The following TYW1B variants were observed in gnomAD, a reference collection of about 807,000 sequenced individuals.
The protein encoded by TYW1B is tRNA-yW synthesizing protein 1 homolog B, also known as S-adenosyl-L-methionine-dependent tRNA 4-demethylwyosine synthase TYW1B.
A neutral mutation model predicts 86.9 loss-of-function variants in TYW1B; 73 were observed. The ratio of observed to expected loss-of-function variants is 0.84; its 90% CI spans 0.70 to 1.02. The LOEUF (loss-of-function observed/expected upper bound fraction) is 1.02, where lower values mean the gene tolerates loss of function less well. Ranked by LOEUF, TYW1B falls within the 50% of genes least tolerant of loss-of-function variation. The pLI is 0.00. For synonymous variants in TYW1B, 248 were observed against 292.8 expected (o/e 0.85, Z 1.56); for missense variants, 637 against 827.4 (o/e 0.77, Z 2.82).
chr7:72,800,139 A>G (rs1159946866), intron 6 of TYW1B, among the ~76,000 whole-genome samples: 1 of 152,052 alleles, frequency 6.6e-6, no homozygotes, highest in Admixed American at 6.6e-5. Flanking sequence ...TTCAGCATTT[A>G]GCTCGCTCAT....
intron 8 of TYW1B, among the ~76,000 whole-genome samples, chr7:72,731,125 GAA>G (rs1162938084): frequency 7.6e-4 from 54 of 71,160 alleles, no homozygotes; most frequent in Non-Finnish European, 8.6e-4. Flanking sequence ...CTAAGGGCTG[GAA>G]AAAAAAAAAA....
chr7:72,591,140 C>A, intron 13 of TYW1B, among the ~76,000 whole-genome samples: 1 of 149,608 alleles, frequency 6.7e-6, no homozygotes. Context: ...TGATCACATC[C>A]GAATAGCAAA....
intron 3 of TYW1B, among the ~76,000 whole-genome samples, chr7:72,812,087 G>T (rs1554478444): frequency 6.6e-6 from 1 of 151,458 alleles, no homozygotes; most frequent in Admixed American, 6.6e-5. Context: ...TACAGGCTGG[G>T]TATCCATTAT....
chr7:72,734,075 A>G (rs1554460427), intron 8 of TYW1B, among the ~76,000 whole-genome samples: 1 of 151,798 alleles, frequency 6.6e-6, no homozygotes, highest in East Asian at 1.9e-4. Context: ...TGGCCAACAT[A>G]GTGAAACCCC....
At chr7:72,576,490 G>A (rs1554428517) in intron 13 of TYW1B, among the ~76,000 whole-genome samples, 1 of 149,482 alleles carries the variant, frequency 6.7e-6, no homozygotes, top group Non-Finnish European at 1.5e-5. Context: ...AAACAGACAA[G>A]TACTTGTCAT....
At chr7:72,821,857 C>G (rs572353788) in intron 2 of TYW1B, among the ~76,000 whole-genome samples, 2 of 152,120 alleles carry the variant, frequency 1.3e-5, no homozygotes, top group South Asian at 4.1e-4. Context: ...TTTGAGCAAA[C>G]TGATGTTAAG....
intron 7 of TYW1B, among the ~76,000 whole-genome samples, chr7:72,747,638 T>C (rs575252767): frequency 2.5e-4 from 38 of 152,334 alleles, no homozygotes; most frequent in Middle Eastern, 3.4e-3. Flanking sequence ...CTTTCTTCTT[T>C]GTCAACATTG....
chr7:72,659,084 C>A (rs140594309), intron 11 of TYW1B, among the ~76,000 whole-genome samples: 4,897 of 152,152 alleles, frequency 0.032, 133 homozygotes, highest in Admixed American at 0.065. Flanking sequence ...GGAAGAAAGC[C>A]CAAGAAACCT....
intron 7 of TYW1B, 34 bp downstream of exon 7, chr7:72,777,382 T>C (rs782387753): frequency 5.0e-6 from 8 of 1,611,568 alleles, no homozygotes; most frequent in Admixed American, 3.4e-5. Context: ...CCTAAGACTA[T>C]AGTCATATAA....
At chr7:72,673,908 A>T (rs1385726705) in intron 11 of TYW1B, among the ~76,000 whole-genome samples, 3 of 152,182 alleles carry the variant, frequency 2.0e-5, no homozygotes, top group African/African-American at 7.2e-5. Flanking sequence ...ACTTAAATTT[A>T]AAAACAAAAC....
chr7:72,667,559 C>G (rs1355939000), intron 11 of TYW1B, among the ~76,000 whole-genome samples: 3 of 152,018 alleles, frequency 2.0e-5, no homozygotes, highest in Non-Finnish European at 4.4e-5. Context: ...ATAAAAAATA[C>G]AAAAATTAGC....
intron 11 of TYW1B, among the ~76,000 whole-genome samples, chr7:72,690,855 C>T (rs1281087503): frequency 1.3e-5 from 2 of 152,084 alleles, no homozygotes; most frequent in African/African-American, 4.8e-5. Flanking sequence ...TGAAGCAATT[C>T]TCCTGCCTCA....
rs782270162 is a variant in TYW1B at position 72,810,610 on chromosome 7, G to C, written c.293C>G (p.Pro98Arg). ...FLVATYTDGL[P>R]TESAEWFCKW... ...GCAGAACCACTCTGCACTTTCGGTT[G>C]GTAGGCCGTCAGTGTATGTCGCAAC... Residue 98 changes from proline (P) to arginine (R), a missense_variant, in exon 4 of 14, where the codon CCA (proline) becomes CGA (arginine). Coordinates refer to ENST00000620995, the MANE Select transcript of TYW1B (RefSeq NM_001145440.3). The C allele has an allele frequency of 3.7e-6, 6 of 1,613,680 alleles. No individual in the cohort carries two copies. Among genetic ancestry groups the C allele is most frequent in the Admixed American group, 3.3e-5 (2 of 59,950 alleles).
chr7:72,781,781 G>A lies in TYW1B; in HGVS notation c.847-4248C>T, dbSNP rs540275442. Among the ~76,000 whole-genome samples, 104 of 152,192 alleles carry A rather than the reference G, an allele frequency of 6.8e-4. 1 individual carries two copies. Among genetic ancestry groups the A allele is most frequent in the Middle Eastern group, 3.4e-3 (1 of 294 alleles). ...CATCTCCCATACCCATCACACTTGC[G>A]TTGAAAGAAAACTCATATCCTCGCC... On this transcript the variant is annotated intron_variant, in intron 6 of 13. Coordinates refer to ENST00000620995, the MANE Select transcript of TYW1B (RefSeq NM_001145440.3).
chr7:72,612,071 G>A (rs1236710707), intron 13 of TYW1B, among the ~76,000 whole-genome samples: 2 of 149,568 alleles, frequency 1.3e-5, no homozygotes, highest in Admixed American at 1.3e-4. Flanking sequence ...TTCTCGATGG[G>A]TTCTCGCTCT....
intron 12 of TYW1B, among the ~76,000 whole-genome samples, chr7:72,622,419 A>C (rs557511048): frequency 6.6e-6 from 1 of 152,356 alleles, no homozygotes; most frequent in Non-Finnish European, 1.5e-5. Context: ...AATTCTCAAA[A>C]CAAACTTATT....
At chr7:72,676,895 T>C (rs1444567659) in intron 11 of TYW1B, among the ~76,000 whole-genome samples, 1 of 151,792 alleles carries the variant, frequency 6.6e-6, no homozygotes, top group Non-Finnish European at 1.5e-5. Flanking sequence ...GAGGCGGAGG[T>C]TGCAGTGTGC....
chr7:72,727,084 G>C (rs1157931254), intron 9 of TYW1B, among the ~76,000 whole-genome samples: 5 of 152,114 alleles, frequency 3.3e-5, no homozygotes, highest in Non-Finnish European at 7.3e-5. Context: ...GGGGATTACG[G>C]AGATTACAAT....
At chr7:72,641,637 A>G (rs543399852) in intron 11 of TYW1B, among the ~76,000 whole-genome samples, 1 of 152,320 alleles carries the variant, frequency 6.6e-6, no homozygotes, top group South Asian at 2.1e-4. Flanking sequence ...ATTGGTGGTT[A>G]TAAGGGACTG....
Sources: allele counts gnomAD v4.1 joint callset (sites outside exome capture counted in the v4.1 genomes callset), GRCh38; gene constraint gnomAD v4.1.1; transcripts MANE v1.5; gene names NCBI Gene and HGNC (gene_info 2026-07-23, HGNC 2026-07-21).